IL18: variants seen among roughly 807,000 people sequenced by gnomAD.
IL18 encodes the protein interleukin-18.
A neutral mutation model predicts 14.2 loss-of-function variants in IL18; 8 were observed. That is an observed-to-expected ratio of 0.56 (90% CI 0.33 to 1.01). The LOEUF is 1.01. IL18 is among the 50% of genes least tolerant of loss of function. IL18 has a pLI of 0.03. For synonymous variants in IL18, 67 were observed against 71.0 expected (o/e 0.94, Z 0.28); for missense variants, 166 against 231.1 (o/e 0.72, Z 1.83).
chr11:112,143,836 T>A lies in IL18; in HGVS notation c.361-19A>T, dbSNP rs199498017. On this transcript the variant is annotated intron_variant, in intron 5 of 5. Transcript: ENST00000280357. The stretch of plus-strand genomic sequence containing the variant: ...TCATTTCCTATAGAGAAAAAAACAT[T>A]ACCTAATTATTTCAGGACATGAACA... The A allele has an allele frequency of 1.2e-4, 175 of 1,415,846 alleles. 1 individual carries two copies. The Admixed American group carries it at 1.3e-3, about 11-fold the overall frequency. The allele number at this position is 1,415,846 out of a possible 1,614,324, so 87.7% of individuals were successfully genotyped here.
chr11:112,162,955 AT>A (rs1272923204), intron 1 of IL18, among the ~76,000 whole-genome samples: 1 of 151,892 alleles, frequency 6.6e-6, no homozygotes, highest in East Asian at 1.9e-4. Flanking sequence ...GTAATTTTTT[AT>A]TTTTTTGTAG....
rs1409907016 is a variant in IL18 at position 112,143,473 on chromosome 11, G to A, written c.*123C>T. On this transcript the variant is annotated 3_prime_UTR_variant, in exon 6 of 6. Coordinates refer to ENST00000280357, the MANE Select transcript of IL18 (RefSeq NM_001562.4). ...TTTTTTGTATTTTTAGTAGAGATGA[G>A]GTTTCACCATGTTGGTCAGGCTGGT... is the stretch of plus-strand genomic sequence containing the variant. The A allele has an allele frequency of 1.1e-5, 7 of 614,988 alleles. No homozygotes were observed. The highest frequency in any genetic ancestry group is 2.0e-5 in the Non-Finnish European group (7 of 351,530). 38.1% of individuals were successfully genotyped at this position (614,988 alleles called of 1,614,324 possible).
In IL18 at chr11:112,148,726, G is replaced by A; in HGVS notation, c.237C>T (p.Pro79=). ...MTDSDCRDNA[P]RTIFIISMYK... is the part of the protein sequence containing the mutation. ...ACATACTTATAATAAATATGGTCCG[G>A]GGTGCATTATCTGAAATAAATATAA... Residue 79 remains proline (P), a synonymous_variant, in exon 5 of 6, where the codon CCC becomes CCT. Transcript: ENST00000280357. The A allele has an allele frequency of 1.4e-6, 2 of 1,446,690 alleles. No individual in the cohort carries two copies. Among genetic ancestry groups the A allele is most frequent in the Admixed American group, 2.7e-5 (1 of 36,598 alleles). The allele number at this position is 1,446,690 out of a possible 1,614,324, so 89.6% of individuals were successfully genotyped here.
At chr11:112,162,157 A>C (rs1866642596) in intron 1 of IL18, among the ~76,000 whole-genome samples, 1 of 152,168 alleles carries the variant, frequency 6.6e-6, no homozygotes, top group Non-Finnish European at 1.5e-5. Flanking sequence ...CAAAGCAAAA[A>C]AATCAAAATG....
Position 112,150,101 on chromosome 11 carries a change from A to G in IL18, c.197T>C (p.Phe66Ser), listed in dbSNP as rs1184810403. 1 of 1,609,914 alleles carries G rather than the reference A, an allele frequency of 6.2e-7. No homozygotes were observed. The highest frequency in any genetic ancestry group is 1.1e-5 in the South Asian group (1 of 89,978). Residue 66 changes from phenylalanine to serine, a missense_variant, in exon 4 of 6, where the codon TTT (phenylalanine) becomes TCT (serine). Physicochemically the swap from Phe to Ser is radical, Grantham distance 155. Transcript: ENST00000280357. Reference sequence around the variant, plus strand: ...ACAGTCAGAATCAGTCATATCTTCAAATAGAGGCCGATTTCCTTGGTCAAT... The same window carrying G: ...ACAGTCAGAATCAGTCATATCTTCAGATAGAGGCCGATTTCCTTGGTCAAT... ...LFIDQGNRPL[F>S]EDMTDSDCRD...
chr11:112,159,361 A>G (rs548190739), intron 1 of IL18, among the ~76,000 whole-genome samples: 1 of 152,308 alleles, frequency 6.6e-6, no homozygotes, highest in South Asian at 2.1e-4. Flanking sequence ...ACCAAGAACA[A>G]AAGAATGGAC....
chr11:112,150,046 C>G, intron 4 of IL18, 26 bp downstream of exon 4: 1 of 1,582,208 alleles, frequency 6.3e-7, no homozygotes, highest in Non-Finnish European at 8.6e-7. Flanking sequence ...CTAGTCATTT[C>G]TATGTTTGCG....
intron 1 of IL18, among the ~76,000 whole-genome samples, chr11:112,155,838 G>GA (rs531218510): frequency 6.6e-6 from 1 of 152,024 alleles, no homozygotes; most frequent in South Asian, 2.1e-4. Flanking sequence ...CTTGGATGGG[G>GA]AAAAAAATAC....
At chr11:112,144,224 G>T (rs903391286) in intron 5 of IL18, among the ~76,000 whole-genome samples, 1 of 152,152 alleles carries the variant, frequency 6.6e-6, no homozygotes. Flanking sequence ...ACTTAGGCTA[G>T]TTCTAGTTTC....
At chr11:112,162,063 C>CTCAACAA (rs1866641129) in intron 1 of IL18, among the ~76,000 whole-genome samples, 1 of 151,932 alleles carries the variant, frequency 6.6e-6, no homozygotes, top group Admixed American at 6.6e-5. Flanking sequence ...ATTATGAATG[C>CTCAACAA]GTGTATGTGA....
In IL18 at chr11:112,143,743, A is replaced by G. The variant is rs754825008; in HGVS notation, c.435T>C (p.His145=). ...IIFFQRSVPG[H]DNKMQFESSS... ...AAGATTCAAATTGCATCTTATTATC[A>G]TGTCCTGGGACACTTCTCTGAAAGA... Residue 145 remains histidine, a synonymous_variant, in exon 6 of 6, where the codon CAT becomes CAC. Coordinates refer to ENST00000280357, the MANE Select transcript of IL18 (RefSeq NM_001562.4). 5 of 1,612,796 alleles carry G rather than the reference A, an allele frequency of 3.1e-6. No homozygotes were observed. The East Asian group carries it at 8.9e-5, about 29-fold the overall frequency.
Position 112,143,734 on chromosome 11 carries a change from CTTA to C in IL18, c.441_443del (p.Asn147del). ...CGTATGATGAAGATTCAAATTGCAT[CTTA>C]TTATCATGTCCTGGGACACTTCTCT... On this transcript the variant is annotated inframe_deletion, in exon 6 of 6. Transcript: ENST00000280357. 1 of 1,612,740 alleles carries C rather than the reference CTTA, an allele frequency of 6.2e-7. No individual in the cohort carries two copies.
At chr11:112,148,185 A>G (rs1254074233) in intron 5 of IL18, among the ~76,000 whole-genome samples, 1 of 152,240 alleles carries the variant, frequency 6.6e-6, no homozygotes, top group Non-Finnish European at 1.5e-5. Context: ...CATAATTTAC[A>G]AAGGTGTAGA....
chr11:112,143,951 G>A (rs761553581), intron 5 of IL18, 134 bp from the exon 6 acceptor site: 242 of 617,790 alleles, frequency 3.9e-4, no homozygotes, highest in Non-Finnish European at 6.3e-4. Flanking sequence ...AAAAATCTCT[G>A]AACAGCAGTA....
intron 5 of IL18, 66 bp downstream of exon 5, chr11:112,148,537 A>G: frequency 1.2e-6 from 1 of 826,902 alleles, no homozygotes; most frequent in Non-Finnish European, 1.7e-6. Context: ...ATTAGAAATA[A>G]TGTTATATTT....
At chr11:112,161,521 G>C (rs957594793) in intron 1 of IL18, among the ~76,000 whole-genome samples, 2 of 152,194 alleles carry the variant, frequency 1.3e-5, no homozygotes, top group Non-Finnish European at 2.9e-5. Context: ...CTATTAGGCT[G>C]GGCACGGTGG....
intron 1 of IL18, among the ~76,000 whole-genome samples, chr11:112,156,556 C>T (rs1438288184): frequency 1.3e-5 from 2 of 151,980 alleles, no homozygotes; most frequent in African/African-American, 4.8e-5. Flanking sequence ...ATTCTCCCAT[C>T]TTAGCCTGGG....
At position 112,148,682 on chromosome 11, in the gene IL18, C is replaced by G; in HGVS notation, c.281G>C (p.Arg94Thr). The change falls in exon 5 of 6, where the codon AGA becomes ACA. Residue 94 changes from arginine (R) to threonine (T), a missense_variant. By Grantham distance (71) the Arg-to-Thr change is moderately conservative. Coordinates refer to ENST00000280357, the MANE Select transcript of IL18 (RefSeq NM_001562.4). ...IISMYKDSQPRGMAVTISVKC... is the reference protein window; with the variant it reads ...IISMYKDSQPTGMAVTISVKC... ...CACAGAGATAGTTACAGCCATACCT[C>G]TAGGCTGGCTATCTTTATACATACT... 6.6e-7 allele frequency: 1 copy of G among 1,505,368 alleles called. No individual in the cohort carries two copies. The highest frequency in any genetic ancestry group is 9.0e-7 in the Non-Finnish European group (1 of 1,115,900). 93.3% of individuals were successfully genotyped at this position (1,505,368 alleles called of 1,614,324 possible).
At chr11:112,143,865 T>G (rs752581080) in intron 5 of IL18, 48 bp from the exon 6 acceptor site, 3 of 1,189,676 alleles carry the variant, frequency 2.5e-6, no homozygotes, top group Non-Finnish European at 3.6e-6. Context: ...ATGAACAATT[T>G]GAATATATGA....
Sources: gnomAD v4.1 joint callset for allele counts (sites outside exome capture counted in the v4.1 genomes callset) on GRCh38, gnomAD v4.1.1 for gene constraint, MANE v1.5 for transcripts, NCBI Gene and HGNC (gene_info 2026-07-23, HGNC 2026-07-21) for gene names.